Variants in DCC observed in about 807,000 individuals in gnomAD.
DCC encodes the protein DCC netrin 1 receptor, also known as netrin receptor DCC.
Under a neutral mutation model 172.5 loss-of-function variants are expected in DCC, and 58 were observed. The observed-to-expected ratio is 0.34, with a 90% CI of 0.27 to 0.42. The LOEUF (loss-of-function observed/expected upper bound fraction) is 0.42, where lower values mean the gene tolerates loss of function less well. Among genes scored for constraint, DCC ranks in the 10% least tolerant of loss-of-function variants. The probability of loss-of-function intolerance (pLI) is 1.00; values close to 1 mark genes in which losing one functional copy is unlikely to be tolerated. For missense variants in DCC, 1,740 were observed against 1,791.0 expected (o/e 0.97, Z 0.51); for synonymous variants, 709 against 644.5 (o/e 1.10, Z -1.52).
intron 25 of DCC, among the ~76,000 whole-genome samples, chr18:53,484,404 A>C (rs2045877347): frequency 6.6e-6 from 1 of 151,376 alleles, no homozygotes; most frequent in Non-Finnish European, 1.5e-5. Flanking sequence ...TTTGGTGATT[A>C]TTTCCTTTGC....
intron 26 of DCC, among the ~76,000 whole-genome samples, chr18:53,495,934 GA>G (rs1025331855): frequency 6.6e-6 from 1 of 151,780 alleles, no homozygotes; most frequent in Admixed American, 6.6e-5. Flanking sequence ...GGGCATCTCT[GA>G]AAAAAAAGCA....
intron 2 of DCC, among the ~76,000 whole-genome samples, chr18:52,817,662 G>A (rs1214391414): frequency 2.6e-5 from 4 of 151,934 alleles, no homozygotes; most frequent in East Asian, 1.9e-4. Context: ...AAATGAAAAC[G>A]TATTTGCCTA....
intron 1 of DCC, among the ~76,000 whole-genome samples, chr18:52,353,282 C>CG (rs1984208105): frequency 3.1e-5 from 2 of 64,860 alleles, no homozygotes; most frequent in Non-Finnish European, 6.3e-5. Context: ...CATCAATACT[C>CG]ATATAAGAAC....
At chr18:53,149,223 A>G (rs1036151516) in intron 7 of DCC, among the ~76,000 whole-genome samples, 19 of 152,188 alleles carry the variant, frequency 1.2e-4, no homozygotes, top group African/African-American at 4.6e-4. Context: ...CTGGACGAGC[A>G]GAAATAGGCT....
At chr18:52,530,973 C>T (rs1211293885) in intron 1 of DCC, among the ~76,000 whole-genome samples, 2 of 152,210 alleles carry the variant, frequency 1.3e-5, no homozygotes, top group Non-Finnish European at 2.9e-5. Flanking sequence ...GAGACAAACA[C>T]TGAAATTTCA....
intron 2 of DCC, among the ~76,000 whole-genome samples, chr18:52,760,375 A>G (rs61398873): frequency 0.11 from 16,298 of 152,054 alleles, 2,896 homozygotes; most frequent in African/African-American, 0.37. Context: ...GGGGATTACA[A>G]TTTGGGTTAC....
chr18:53,510,509 GTA>G (rs1413878581), intron 27 of DCC, among the ~76,000 whole-genome samples: 3 of 152,162 alleles, frequency 2.0e-5, no homozygotes, highest in Non-Finnish European at 4.4e-5. Context: ...AGTCAAAAGA[GTA>G]TGTGTTTGAG....
At chr18:53,202,433 A>G (rs2055553052) in intron 9 of DCC, among the ~76,000 whole-genome samples, 1 of 152,190 alleles carries the variant, frequency 6.6e-6, no homozygotes, top group African/African-American at 2.4e-5. Context: ...AGAGAAAAAT[A>G]TGGACTTTTG....
intron 15 of DCC, among the ~76,000 whole-genome samples, chr18:53,383,434 A>G (rs11660761): frequency 0.42 from 63,747 of 150,046 alleles, 15,273 homozygotes; most frequent in Non-Finnish European, 0.55. Context: ...TTCTGTTTGC[A>G]GATTATCCTT....
intron 13 of DCC, among the ~76,000 whole-genome samples, chr18:53,314,501 A>G (rs1163236539): frequency 6.6e-6 from 1 of 152,216 alleles, no homozygotes; most frequent in Admixed American, 6.5e-5. Context: ...CAAAACTTGA[A>G]GGTGAGTTAT....
chr18:53,382,393 C>T (rs553914470), intron 15 of DCC, among the ~76,000 whole-genome samples: 23 of 152,166 alleles, frequency 1.5e-4, no homozygotes, highest in African/African-American at 5.5e-4. Context: ...TGTATTTTCA[C>T]CATTTTTTCA....
At chr18:52,806,718 G>A (rs779245608) in intron 2 of DCC, among the ~76,000 whole-genome samples, 19 of 152,052 alleles carry the variant, frequency 1.2e-4, no homozygotes, top group African/African-American at 4.1e-4. Flanking sequence ...GGCTTCTTCC[G>A]GTTGTCATGA....
At chr18:53,259,277 C>T (rs1309910946) in intron 12 of DCC, among the ~76,000 whole-genome samples, 2 of 152,106 alleles carry the variant, frequency 1.3e-5, no homozygotes, top group Non-Finnish European at 2.9e-5. Context: ...TTATTTTGCT[C>T]ATTAGTTGAT....
At chr18:52,895,027 T>C (rs1337681870) in intron 2 of DCC, among the ~76,000 whole-genome samples, 2 of 152,198 alleles carry the variant, frequency 1.3e-5, no homozygotes, top group African/African-American at 2.4e-5. Context: ...CTGGGAATTC[T>C]CATTAAGTAA....
intron 1 of DCC, among the ~76,000 whole-genome samples, chr18:52,631,140 T>C (rs1192571311): frequency 6.6e-6 from 1 of 152,320 alleles, no homozygotes; most frequent in African/African-American, 2.4e-5. Context: ...CTTTTTCTAA[T>C]AAAATCCTTT....
At chr18:53,408,239 A>G (rs1288929451) in intron 19 of DCC, among the ~76,000 whole-genome samples, 4 of 152,286 alleles carry the variant, frequency 2.6e-5, no homozygotes, top group Non-Finnish European at 1.5e-5. Context: ...GTAAAACTGC[A>G]CATATTTGTT....
chr18:52,938,672 A>G (rs532353903), intron 5 of DCC, among the ~76,000 whole-genome samples: 2 of 152,264 alleles, frequency 1.3e-5, no homozygotes, highest in African/African-American at 4.8e-5. Flanking sequence ...TATATAATAC[A>G]TATGAAAACT....
intron 2 of DCC, among the ~76,000 whole-genome samples, chr18:52,753,838 C>T (rs2037035869): frequency 6.6e-6 from 1 of 152,054 alleles, no homozygotes; most frequent in Non-Finnish European, 1.5e-5. Flanking sequence ...AAATGTTAGA[C>T]CTGCAAAGTG....
chr18:53,017,476 T>C (rs1363959990), intron 5 of DCC, among the ~76,000 whole-genome samples: 1 of 152,188 alleles, frequency 6.6e-6, no homozygotes, highest in Non-Finnish European at 1.5e-5. Flanking sequence ...TTAACGATAG[T>C]TTATAAACAA....
Sources: allele counts gnomAD v4.1 joint callset (sites outside exome capture counted in the v4.1 genomes callset), GRCh38; gene constraint gnomAD v4.1.1; transcripts MANE v1.5; gene names NCBI Gene and HGNC (gene_info 2026-07-23, HGNC 2026-07-21).